OR11A1: variants seen among roughly 807,000 people sequenced by gnomAD.
The protein encoded by OR11A1 is olfactory receptor 11A1.
For missense variants in OR11A1, 380 were observed against 378.2 expected, an observed-to-expected ratio of 1.00 and a Z score of -0.04; for synonymous variants, 158 against 152.2, an observed-to-expected ratio of 1.04 and a Z score of -0.28.
chr6:29,431,814 T>A, intron 2 of OR11A1, 50 bp downstream of exon 2: 1 of 977,728 alleles, frequency 1.0e-6, no homozygotes, highest in Non-Finnish European at 1.2e-6. Context: ...TTAACTTTTT[T>A]AAAGAATCTG....
chr6:29,439,929 A>G, intron 1 of OR11A1: 1 of 937,422 alleles, frequency 1.1e-6, no homozygotes, highest in Non-Finnish European at 1.7e-6. Flanking sequence ...ATGCAGAGAG[A>G]GGTCATCTTT....
intron 1 of OR11A1, among the ~76,000 whole-genome samples, chr6:29,456,420 G>A (rs1786276719): frequency 6.6e-6 from 1 of 151,282 alleles, no homozygotes; most frequent in South Asian, 2.1e-4. Flanking sequence ...TGAGGCAGGA[G>A]AATGGCGTGA....
chr6:29,436,801 C>T (rs1203746969), intron 1 of OR11A1, among the ~76,000 whole-genome samples: 1 of 152,232 alleles, frequency 6.6e-6, no homozygotes, highest in African/African-American at 2.4e-5. Context: ...GTTCAGTGCT[C>T]TGTCAGCTGT....
At chr6:29,428,538 G>A (rs1447036494) in intron 4 of OR11A1, 3 of 223,574 alleles carry the variant, frequency 1.3e-5, no homozygotes, top group Middle Eastern at 2.2e-3. Context: ...GGTGGATCAC[G>A]AGGTCAGGAG....
intron 1 of OR11A1, among the ~76,000 whole-genome samples, chr6:29,449,607 C>A (rs1785125532): frequency 1.3e-5 from 2 of 152,102 alleles, no homozygotes; most frequent in Admixed American, 1.3e-4. Context: ...TTCGAATACA[C>A]CCACCCACCC....
chr6:29,438,686 T>C (rs1262504412), intron 1 of OR11A1, among the ~76,000 whole-genome samples: 90 of 152,300 alleles, frequency 5.9e-4, no homozygotes, highest in African/African-American at 2.1e-3. Context: ...AGATTCAAAA[T>C]AACAGATTAA....
In OR11A1 at chr6:29,427,297, C is replaced by A; in HGVS notation, c.345G>T (p.Leu115=). Residue 115 remains leucine (L), a synonymous_variant, in exon 5 of 5, where the codon CTG becomes CTT. Coordinates refer to ENST00000377149, the MANE Select transcript of OR11A1 (RefSeq NM_001394828.1). ...FGSLATAECL[L]LAVMAYDRYL... The stretch of plus-strand genomic sequence containing the variant: ...AGCGGTCATATGCCATGACAGCCAG[C>A]AGTAAGCATTCAGCTGTGGCTAGAG... 6.2e-7 allele frequency: 1 copy of A among 1,613,088 alleles called. No homozygotes were observed. The highest frequency in any genetic ancestry group is 1.3e-5 in the African/African-American group (1 of 75,022).
chr6:29,452,746 C>G (rs1785561034), intron 1 of OR11A1, among the ~76,000 whole-genome samples: 1 of 151,986 alleles, frequency 6.6e-6, no homozygotes, highest in Admixed American at 6.6e-5. Context: ...AGAAGATACT[C>G]ACTAAAAGAA....
chr6:29,440,338 C>A lies in OR11A1; in HGVS notation c.-388-8351G>T. On this transcript the variant is annotated intron_variant, in intron 1 of 4. Transcript: ENST00000377149. ...ATGTTCTTCTTCCTCTTCTTTGGCGCCACGGAGTGCTGCCTCCTGGCAGCC... is the reference window on the plus strand; with the variant it reads ...ATGTTCTTCTTCCTCTTCTTTGGCGACACGGAGTGCTGCCTCCTGGCAGCC... The A allele has an allele frequency of 1.9e-6, 3 of 1,614,088 alleles. 1 individual carries two copies. In the Admixed American group the frequency reaches 5.0e-5, roughly 27 times the overall value.
intron 1 of OR11A1, among the ~76,000 whole-genome samples, chr6:29,445,013 TTTC>T (rs1784586959): frequency 1.3e-5 from 2 of 150,994 alleles, no homozygotes; most frequent in African/African-American, 4.9e-5. Flanking sequence ...TCATTCTTTC[TTTC>T]TTTTTTTTTG....
At chr6:29,441,921 T>G (rs1302780669) in intron 1 of OR11A1, among the ~76,000 whole-genome samples, 1 of 152,196 alleles carries the variant, frequency 6.6e-6, no homozygotes, top group Non-Finnish European at 1.5e-5. Flanking sequence ...AATCTGTTTG[T>G]TTTTTGTTTT....
At chr6:29,440,672 T>A in intron 1 of OR11A1, 1 of 1,614,160 alleles carries the variant, frequency 6.2e-7, no homozygotes, top group Non-Finnish European at 8.5e-7. Context: ...CCTACGGGCG[T>A]ATCCTCGTTA....
chr6:29,435,958 TAAC>T (rs1783597413), intron 1 of OR11A1, among the ~76,000 whole-genome samples: 1 of 152,198 alleles, frequency 6.6e-6, no homozygotes, highest in Non-Finnish European at 1.5e-5. Flanking sequence ...AAAAATATAT[TAAC>T]ACAATGTCCG....
At chr6:29,440,537 G>T (rs754718036) in intron 1 of OR11A1, 2 of 1,613,672 alleles carry the variant, frequency 1.2e-6, no homozygotes, top group South Asian at 1.1e-5. Context: ...ATACCATCCC[G>T]CAGTTCTTCT....
At chr6:29,431,568 C>A (rs1187221521) in intron 2 of OR11A1, among the ~76,000 whole-genome samples, 1 of 152,060 alleles carries the variant, frequency 6.6e-6, no homozygotes, top group Non-Finnish European at 1.5e-5. Flanking sequence ...GCATGAATAT[C>A]TACTGTTCCC....
At chr6:29,449,895 C>T (rs994964749) in intron 1 of OR11A1, among the ~76,000 whole-genome samples, 11 of 152,264 alleles carry the variant, frequency 7.2e-5, no homozygotes, top group Admixed American at 7.2e-4. Context: ...CCTCAGCCTC[C>T]CAAAGTGCTA....
chr6:29,433,801 TG>T (rs1783427755), intron 1 of OR11A1, among the ~76,000 whole-genome samples: 2 of 152,170 alleles, frequency 1.3e-5, no homozygotes, highest in Non-Finnish European at 2.9e-5. Context: ...CAAAAGTGTA[TG>T]AGTTCTCCTT....
chr6:29,428,179 T>A, intron 4 of OR11A1: 5 of 951,590 alleles, frequency 5.3e-6, no homozygotes, highest in Non-Finnish European at 6.3e-6. Flanking sequence ...CAACCGCCCC[T>A]TTCATTCCCC....
intron 1 of OR11A1, among the ~76,000 whole-genome samples, chr6:29,432,283 C>T (rs181458166): frequency 1.4e-4 from 22 of 152,248 alleles, no homozygotes; most frequent in Admixed American, 9.8e-4. Context: ...TGACCATAAA[C>T]GGAGCAGAAA....
Sources: gnomAD v4.1 joint callset for allele counts (sites outside exome capture counted in the v4.1 genomes callset) on GRCh38, gnomAD v4.1.1 for gene constraint, MANE v1.5 for transcripts, NCBI Gene and HGNC (gene_info 2026-07-23, HGNC 2026-07-21) for gene names.